The following DISC1 variants were observed in gnomAD, a reference collection of about 807,000 sequenced individuals.
DISC1 encodes the protein disrupted in schizophrenia 1 protein.
In DISC1, 57 loss-of-function variants were observed where a neutral mutation model predicts 84.5. That is an observed-to-expected ratio of 0.67 (90% CI 0.55 to 0.84). The LOEUF (loss-of-function observed/expected upper bound fraction) is 0.84. DISC1 is among the 40% of genes least tolerant of loss of function. The pLI is 0.00. For synonymous variants in DISC1, 411 were observed against 415.2 expected, an observed-to-expected ratio of 0.99 and a Z score of 0.12; for missense variants, 1,000 against 1,057.8, an observed-to-expected ratio of 0.95 and a Z score of 0.76.
At chr1:231,708,115 G>A (rs2067313894) in intron 3 of DISC1, among the ~76,000 whole-genome samples, 1 of 152,222 alleles carries the variant, frequency 6.6e-6, no homozygotes, top group Admixed American at 6.5e-5. Context: ...AATTTTAAGT[G>A]TCAACTTGAT....
chr1:231,841,520 G>A (rs2083068434), intron 9 of DISC1, among the ~76,000 whole-genome samples: 1 of 152,216 alleles, frequency 6.6e-6, no homozygotes, highest in African/African-American at 2.4e-5. Context: ...TGTGCATCAT[G>A]CTGGTGCAAC....
chr1:231,902,936 CA>C (rs1291258494), intron 9 of DISC1, among the ~76,000 whole-genome samples: 1 of 152,160 alleles, frequency 6.6e-6, no homozygotes, highest in Non-Finnish European at 1.5e-5. Context: ...AGCCTGTATA[CA>C]TATCATAGCA....
Position 231,707,841 on chromosome 1 carries a change from TCCTAAAGTCTAAATC to T in DISC1, c.1117+5831_1117+5845del, listed in dbSNP as rs541727505. ...AAATTAAATCCCTAAAACCCCAAAT[TCCTAAAGTCTAAATC>T]CCTAAAGTCTAAAATCCCTAACATC... On this transcript the variant is annotated intron_variant, in intron 3 of 12. Coordinates refer to ENST00000439617, the MANE Select transcript of DISC1 (RefSeq NM_018662.3). 5.3e-4 allele frequency among the ~76,000 whole-genome samples: 81 copies of T among 152,204 alleles called. 1 individual carries two copies. Among genetic ancestry groups the T allele is most frequent in the African/African-American group, 1.7e-3 (69 of 41,520 alleles).
At chr1:231,883,583 G>A (rs750585135) in intron 9 of DISC1, among the ~76,000 whole-genome samples, 3 of 152,134 alleles carry the variant, frequency 2.0e-5, no homozygotes, top group Non-Finnish European at 4.4e-5. Flanking sequence ...GGCCACTATT[G>A]GTCTCAGCAA....
intron 2 of DISC1, 117 bp downstream of exon 2, chr1:231,694,922 C>A: frequency 6.8e-7 from 1 of 1,472,546 alleles, no homozygotes; most frequent in Non-Finnish European, 9.2e-7. Context: ...GAAGCTGCAG[C>A]AGCTCCTTTT....
chr1:231,715,448 G>A (rs2068559184), intron 3 of DISC1, among the ~76,000 whole-genome samples: 1 of 152,200 alleles, frequency 6.6e-6, no homozygotes, highest in Non-Finnish European at 1.5e-5. Context: ...GCTTGAAGGT[G>A]CCTCTTGCAA....
chr1:231,722,151 C>CAAA (rs750574790), intron 3 of DISC1, among the ~76,000 whole-genome samples: 9 of 47,702 alleles, frequency 1.9e-4, no homozygotes, highest in African/African-American at 4.5e-4. Context: ...GACTCCATCT[C>CAAA]AAAAAAAAAA....
At chr1:231,770,535 C>T (rs546080372) in intron 5 of DISC1, among the ~76,000 whole-genome samples, 7 of 152,226 alleles carry the variant, frequency 4.6e-5, no homozygotes, top group Admixed American at 2.0e-4. Context: ...CTCATCCATC[C>T]GAAATGAAGT....
intron 11 of DISC1, among the ~76,000 whole-genome samples, chr1:232,024,003 G>A (rs1244016665): frequency 6.6e-6 from 1 of 150,586 alleles, no homozygotes; most frequent in African/African-American, 2.4e-5. Flanking sequence ...GATTATTTTA[G>A]GGTCAGTAAA....
At chr1:231,770,101 T>C (rs1269750614) in intron 5 of DISC1, among the ~76,000 whole-genome samples, 1 of 151,984 alleles carries the variant, frequency 6.6e-6, no homozygotes, top group Non-Finnish European at 1.5e-5. Context: ...CCACAAAACA[T>C]GGGAGTATGT....
intron 7 of DISC1, among the ~76,000 whole-genome samples, chr1:231,798,844 G>C (rs2078974558): frequency 6.6e-6 from 1 of 152,130 alleles, no homozygotes; most frequent in African/African-American, 2.4e-5. Context: ...GTCCATGAGA[G>C]AAAGAGTGGA....
chr1:232,017,480 CTT>C (rs56672398), intron 11 of DISC1, among the ~76,000 whole-genome samples: 49,805 of 132,390 alleles, frequency 0.38, 8,950 homozygotes, highest in East Asian at 0.43. Flanking sequence ...AACACCTGTC[CTT>C]TTTTTTTTTT....
At position 231,838,334 on chromosome 1, in the gene DISC1, G is replaced by T. The variant is rs1277241765; in HGVS notation, c.1981+19817G>T. 1.8e-4 allele frequency among the ~76,000 whole-genome samples: 28 copies of T among 152,302 alleles called. No homozygotes were observed. In the South Asian group the frequency reaches 5.6e-3, roughly 30 times the overall value. ...ATGGTTTGTGTTCAGGTTTTCCAGA[G>T]GAAAGGATGACTCCATGTTCCTCAA... On this transcript the variant is annotated intron_variant, in intron 9 of 12. Transcript: ENST00000439617.
Position 231,909,158 on chromosome 1 carries a change from A to G in DISC1, c.1982-49670A>G, listed in dbSNP as rs144426447. ...TCCTCTTTTCCTAGTTGAATACCCTATATTTCTTTCTCCTGCCTGATTGCC... is the reference window on the plus strand; with the variant it reads ...TCCTCTTTTCCTAGTTGAATACCCTGTATTTCTTTCTCCTGCCTGATTGCC... On this transcript the variant is annotated intron_variant, in intron 9 of 12. Transcript: ENST00000439617. 9.5e-3 allele frequency among the ~76,000 whole-genome samples: 1,447 copies of G among 152,016 alleles called. 27 individuals are homozygous for G. The highest frequency in any genetic ancestry group is 0.033 in the African/African-American group (1,349 of 41,472).
intron 1 of DISC1, among the ~76,000 whole-genome samples, chr1:231,639,917 C>T (rs980411786): frequency 2.6e-5 from 4 of 152,198 alleles, no homozygotes; most frequent in African/African-American, 9.6e-5. Context: ...ATCTGATTCA[C>T]GTTAGTGTTT....
intron 9 of DISC1, among the ~76,000 whole-genome samples, chr1:231,918,306 C>A (rs2089774452): frequency 6.6e-6 from 1 of 152,146 alleles, no homozygotes; most frequent in Non-Finnish European, 1.5e-5. Flanking sequence ...ATGAGAGAAC[C>A]AAGATGATTT....
chr1:231,687,526 A>G (rs1572873102), intron 1 of DISC1, among the ~76,000 whole-genome samples: 1 of 152,136 alleles, frequency 6.6e-6, no homozygotes, highest in Admixed American at 6.5e-5. Flanking sequence ...CCCACACAAC[A>G]TGGGAATTAT....
At chr1:231,722,784 TGCTG>T (rs1266691554) in intron 3 of DISC1, 14 of 1,468,900 alleles carry the variant, frequency 9.5e-6, no homozygotes, top group African/African-American at 1.4e-5. Flanking sequence ...GCTGTCTGGA[TGCTG>T]GCCATGGGCT....
intron 11 of DISC1, among the ~76,000 whole-genome samples, chr1:232,011,979 A>C (rs1353414113): frequency 6.6e-6 from 1 of 152,208 alleles, no homozygotes; most frequent in East Asian, 1.9e-4. Context: ...CCACCACGAC[A>C]TAAGAGGATA....
Sources: allele counts gnomAD v4.1 joint callset (sites outside exome capture counted in the v4.1 genomes callset), GRCh38; gene constraint gnomAD v4.1.1; transcripts MANE v1.5; gene names NCBI Gene and HGNC (gene_info 2026-07-23, HGNC 2026-07-21).